The following MYO3B variants were observed in gnomAD, a reference collection of about 807,000 sequenced individuals.
MYO3B encodes myosin-IIIb.
A neutral mutation model predicts 174.6 loss-of-function variants in MYO3B; 156 were observed. The ratio of observed to expected loss-of-function variants is 0.89; its 90% confidence interval spans 0.78 to 1.02. The LOEUF is 1.02. Among genes scored for constraint, MYO3B ranks in the 50% least tolerant of loss-of-function variants. The pLI, the probability that MYO3B is intolerant of heterozygous loss-of-function variation, is 0.00. For missense variants in MYO3B, 1,632 were observed against 1,639.4 expected, an observed-to-expected ratio of 1.00 and a Z score of 0.08; for synonymous variants, 563 against 569.1, an observed-to-expected ratio of 0.99 and a Z score of 0.15.
chr2:170,651,225 C>G (rs1698989989), intron 32 of MYO3B, among the ~76,000 whole-genome samples: 4 of 152,148 alleles, frequency 2.6e-5, no homozygotes, highest in Non-Finnish European at 4.4e-5. Flanking sequence ...TATGTGTGCT[C>G]CAGATGTTTT....
chr2:170,253,923 T>G (rs566676670), intron 7 of MYO3B, among the ~76,000 whole-genome samples: 1 of 151,726 alleles, frequency 6.6e-6, no homozygotes, highest in Non-Finnish European at 1.5e-5. Context: ...AGACGGCTGA[T>G]TAGATGTAGC....
At chr2:170,214,954 C>A in intron 5 of MYO3B, 126 bp downstream of exon 5, 1 of 692,604 alleles carries the variant, frequency 1.4e-6, no homozygotes, top group South Asian at 1.8e-5. Flanking sequence ...TCCAGTCAAA[C>A]ACAAGCTGGA....
At chr2:170,551,351 T>TAATTA (rs1553520402) in intron 32 of MYO3B, among the ~76,000 whole-genome samples, 6 of 133,626 alleles carry the variant, frequency 4.5e-5, no homozygotes, top group African/African-American at 1.3e-4. Context: ...TTAATTTAAT[T>TAATTA]ATTTATTTAT....
intron 23 of MYO3B, among the ~76,000 whole-genome samples, chr2:170,462,128 A>T (rs1039111189): frequency 6.6e-6 from 1 of 152,148 alleles, no homozygotes; most frequent in African/African-American, 2.4e-5. Context: ...TAAACCCAGG[A>T]TCTTTCCTTT....
chr2:170,291,130 T>A (rs2093592985), intron 7 of MYO3B, among the ~76,000 whole-genome samples: 1 of 151,976 alleles, frequency 6.6e-6, no homozygotes. Flanking sequence ...GCACCTGTAA[T>A]CTCAGCTACT....
At chr2:170,565,669 C>T (rs1314280070) in intron 32 of MYO3B, among the ~76,000 whole-genome samples, 1 of 152,158 alleles carries the variant, frequency 6.6e-6, no homozygotes, top group Non-Finnish European at 1.5e-5. Flanking sequence ...TAAGGAATGA[C>T]ATTTCTGTTT....
At chr2:170,231,916 T>C (rs2093019831) in intron 6 of MYO3B, among the ~76,000 whole-genome samples, 1 of 152,224 alleles carries the variant, frequency 6.6e-6, no homozygotes, top group Admixed American at 6.5e-5. Flanking sequence ...TACCACTTTA[T>C]AGATAGAGAG....
At chr2:170,559,856 G>T (rs1691589193) in intron 32 of MYO3B, among the ~76,000 whole-genome samples, 1 of 151,950 alleles carries the variant, frequency 6.6e-6, no homozygotes, top group African/African-American at 2.4e-5. Flanking sequence ...GATATTTAAG[G>T]TTTTTATTAC....
At chr2:170,394,746 C>G (rs980436827) in intron 16 of MYO3B, among the ~76,000 whole-genome samples, 3 of 152,212 alleles carry the variant, frequency 2.0e-5, no homozygotes, top group Admixed American at 6.5e-5. Flanking sequence ...CTCTCTCCAA[C>G]TCTGAATTCT....
chr2:170,362,527 G>C (rs1269127039), intron 8 of MYO3B, among the ~76,000 whole-genome samples: 2 of 152,212 alleles, frequency 1.3e-5, no homozygotes. Context: ...TTCAAAGGGA[G>C]ACTCAGCTTC....
chr2:170,303,351 C>T (rs796352655), intron 7 of MYO3B, among the ~76,000 whole-genome samples: 15 of 152,224 alleles, frequency 9.9e-5, no homozygotes, highest in African/African-American at 3.4e-4. Context: ...GAATCTCTGC[C>T]TCCTTGGCTG....
At chr2:170,370,413 C>T (rs1455439453) in intron 9 of MYO3B, among the ~76,000 whole-genome samples, 2 of 152,070 alleles carry the variant, frequency 1.3e-5, no homozygotes, top group East Asian at 3.8e-4. Context: ...TTGGATAGCT[C>T]AGAGGGGATT....
chr2:170,511,302 G>A (rs955917827), intron 28 of MYO3B, among the ~76,000 whole-genome samples: 3 of 151,712 alleles, frequency 2.0e-5, no homozygotes, highest in East Asian at 1.9e-4. Flanking sequence ...TCCTGACCTC[G>A]TGATCCGCCT....
At chr2:170,536,812 T>C (rs186333207) in intron 30 of MYO3B, among the ~76,000 whole-genome samples, 1 of 152,338 alleles carries the variant, frequency 6.6e-6, no homozygotes, top group Admixed American at 6.5e-5. Context: ...TTTTCTATTA[T>C]CTCTTATGGT....
intron 30 of MYO3B, among the ~76,000 whole-genome samples, chr2:170,537,784 G>A (rs74379482): frequency 6.6e-6 from 1 of 152,188 alleles, no homozygotes; most frequent in East Asian, 1.9e-4. Context: ...TATCAAAGAG[G>A]TGGAAACAAA....
chr2:170,251,934 T>C (rs1012978612), intron 7 of MYO3B, among the ~76,000 whole-genome samples: 10 of 152,076 alleles, frequency 6.6e-5, no homozygotes, highest in Non-Finnish European at 1.2e-4. Context: ...AGAGAGATGG[T>C]TAGTTAGATC....
chr2:170,584,420 C>T (rs1575201912), intron 32 of MYO3B, among the ~76,000 whole-genome samples: 1 of 152,162 alleles, frequency 6.6e-6, no homozygotes, highest in African/African-American at 2.4e-5. Context: ...AATGATCTCT[C>T]ACATGAGTTA....
At chr2:170,571,870 C>A (rs1010129147) in intron 32 of MYO3B, among the ~76,000 whole-genome samples, 1 of 152,152 alleles carries the variant, frequency 6.6e-6, no homozygotes, top group Admixed American at 6.5e-5. Flanking sequence ...TTTTCAACAA[C>A]TTTTTAAGGC....
rs546036484 is a variant in MYO3B at position 170,547,266 on chromosome 2, C to T, written c.3733+3278C>T. On this transcript the variant is annotated intron_variant, in intron 32 of 34. Transcript: ENST00000408978. ...AATGGCGTGAACCTGGGAGGCGGAGCTTGCAGTGAGCCGAGATCGCGCCAC... is the reference window on the plus strand; with the variant it reads ...AATGGCGTGAACCTGGGAGGCGGAGTTTGCAGTGAGCCGAGATCGCGCCAC... Among the ~76,000 whole-genome samples the T allele has an allele frequency of 1.1e-4, 17 of 151,052 alleles. No individual in the cohort carries two copies. In the South Asian group the frequency reaches 3.6e-3, roughly 32 times the overall value.
Sources: gnomAD v4.1 joint callset for allele counts (sites outside exome capture counted in the v4.1 genomes callset) on GRCh38, gnomAD v4.1.1 for gene constraint, MANE v1.5 for transcripts, NCBI Gene and HGNC (gene_info 2026-07-23, HGNC 2026-07-21) for gene names.